The following MTFMT variants were observed in gnomAD, a reference collection of about 807,000 sequenced individuals.
MTFMT encodes mitochondrial methionyl-tRNA formyltransferase.
In MTFMT, 47 loss-of-function variants were observed where a neutral mutation model predicts 51.8. The observed-to-expected ratio is 0.91, with a 90% confidence interval of 0.72 to 1.16. The LOEUF (loss-of-function observed/expected upper bound fraction) is 1.16, where lower values mean the gene tolerates loss of function less well. Among genes scored for constraint, MTFMT ranks in the 50% most tolerant of loss-of-function variants. The pLI is 0.00. For synonymous variants in MTFMT, 196 were observed against 176.7 expected, an observed-to-expected ratio of 1.11 and a Z score of -0.87; for missense variants, 512 against 482.3, an observed-to-expected ratio of 1.06 and a Z score of -0.58.
At chr15:65,021,721 T>A in intron 3 of MTFMT, 105 bp from the exon 4 acceptor site, 2 of 821,482 alleles carry the variant, frequency 2.4e-6, no homozygotes, top group South Asian at 2.3e-5. Flanking sequence ...TCTGCATGCC[T>A]ATAGTCCTAG....
At chr15:65,023,394 C>T (rs1049723469) in intron 3 of MTFMT, among the ~76,000 whole-genome samples, 1 of 152,134 alleles carries the variant, frequency 6.6e-6, no homozygotes, top group East Asian at 1.9e-4. Context: ...CTCATTTATA[C>T]AATGTATTTT....
chr15:65,016,387 C>T, intron 6 of MTFMT, 49 bp downstream of exon 6: 1 of 1,057,440 alleles, frequency 9.5e-7, no homozygotes, highest in Non-Finnish European at 1.4e-6. Flanking sequence ...GCAAATTACA[C>T]ACATAGAAAA....
At chr15:65,019,519 C>A (rs1294132444) in intron 5 of MTFMT, among the ~76,000 whole-genome samples, 1 of 151,586 alleles carries the variant, frequency 6.6e-6, no homozygotes, top group African/African-American at 2.4e-5. Context: ...TCCAGCCAAA[C>A]CTTTAGAACT....
rs2086428316 is a variant in MTFMT, at chr15:65,026,817, C to T, written c.419+14G>A. 9 of 1,609,510 alleles carry T rather than the reference C, an allele frequency of 5.6e-6. No individual in the cohort carries two copies. Among genetic ancestry groups the T allele is most frequent in the Middle Eastern group, 1.7e-4 (1 of 6,048 alleles). Reference sequence around the variant, plus strand: ...AAGGTTTCTATACTGTATTTCCTTACAAATAAAACTTACTAGGGAAATTTA... The same window carrying T: ...AAGGTTTCTATACTGTATTTCCTTATAAATAAAACTTACTAGGGAAATTTA... On this transcript the variant is annotated intron_variant, in intron 2 of 8. Coordinates refer to ENST00000220058, the MANE Select transcript of MTFMT (RefSeq NM_139242.4).
intron 8 of MTFMT, among the ~76,000 whole-genome samples, chr15:65,004,086 G>A (rs1277704401): frequency 2.0e-5 from 3 of 151,162 alleles, no homozygotes; most frequent in East Asian, 3.9e-4. Context: ...GCACGATCTC[G>A]GCTCACCACA....
chr15:65,026,824 A>T lies in MTFMT; in HGVS notation c.419+7T>A. Reference sequence around the variant, plus strand: ...CTATACTGTATTTCCTTACAAATAAAACTTACTAGGGAAATTTAAGAATAA... The same window carrying T: ...CTATACTGTATTTCCTTACAAATAATACTTACTAGGGAAATTTAAGAATAA... On this transcript the variant is annotated splice_region_variant and intron_variant, in intron 2 of 8. Transcript: ENST00000220058. 1.2e-6 allele frequency: 2 copies of T among 1,611,824 alleles called. No homozygotes were observed. The highest frequency in any genetic ancestry group is 1.7e-6 in the Non-Finnish European group (2 of 1,178,644).
intron 2 of MTFMT, 61 bp from the exon 3 acceptor site, chr15:65,023,855 C>A: frequency 7.0e-7 from 1 of 1,427,024 alleles, no homozygotes; most frequent in South Asian, 1.5e-5. Context: ...TTACCACTAC[C>A]TAAGCTATTA....
At chr15:65,029,245 G>A in intron 1 of MTFMT, 160 bp downstream of exon 1, 7 of 984,262 alleles carry the variant, frequency 7.1e-6, no homozygotes, top group Non-Finnish European at 8.4e-6. Flanking sequence ...CGGCGGGAAT[G>A]GCGCACCTTC....
chr15:65,003,343 G>A, intron 8 of MTFMT, 87 bp from the exon 9 acceptor site: 1 of 1,031,560 alleles, frequency 9.7e-7, no homozygotes, highest in Non-Finnish European at 1.4e-6. Flanking sequence ...TTTTTATCAT[G>A]GAAACAAACA....
At chr15:65,027,121 G>A (rs1224763932) in intron 1 of MTFMT, 81 bp from the exon 2 acceptor site, 1 of 972,208 alleles carries the variant, frequency 1.0e-6, no homozygotes, top group African/African-American at 1.6e-5. Context: ...CGCTAAGTAT[G>A]TTTATGATTA....
At chr15:65,020,906 T>C (rs896696045) in intron 4 of MTFMT, among the ~76,000 whole-genome samples, 6 of 152,230 alleles carry the variant, frequency 3.9e-5, no homozygotes, top group Non-Finnish European at 5.9e-5. Flanking sequence ...TAAGATCATT[T>C]GTGAGGTAAG....
chr15:65,005,079 C>A, intron 7 of MTFMT, 143 bp from the exon 8 acceptor site: 2 of 605,386 alleles, frequency 3.3e-6, no homozygotes, highest in Non-Finnish European at 2.9e-6. Flanking sequence ...CTTTGTAAAC[C>A]AAAACTTACA....
rs141657757 is a variant in MTFMT at position 65,002,693 on chromosome 15, G to A, written c.*369C>T. 1,034 of 153,340 alleles carry A rather than the reference G, an allele frequency of 6.7e-3. 4 individuals are homozygous for A. Among genetic ancestry groups the A allele is most frequent in the Admixed American group, 0.02 (312 of 15,306 alleles). 9.5% of individuals were successfully genotyped at this position (153,340 alleles called of 1,614,324 possible). A position where few individuals can be genotyped will look rare whatever the true frequency, so the allele number is the denominator to read the frequency against. ...GTCCAGATAATTCCAGGCCAGGCACGGTGGCTCACGTCTGTAATCATAGCA... is the reference window on the plus strand; with the variant it reads ...GTCCAGATAATTCCAGGCCAGGCACAGTGGCTCACGTCTGTAATCATAGCA... On this transcript the variant is annotated 3_prime_UTR_variant, in exon 9 of 9. Transcript: ENST00000220058.
intron 1 of MTFMT, chr15:65,029,125 C>A (rs548402975): frequency 4.6e-4 from 138 of 302,726 alleles, no homozygotes; most frequent in African/African-American, 3.0e-3. Context: ...GCAGGCAGAG[C>A]GCCCAGCCCC....
In MTFMT at chr15:65,020,390, CAAATTAAAAAAAA is replaced by C. The variant is rs1269203354; in HGVS notation, c.646-131_646-119del. On this transcript the variant is annotated intron_variant, in intron 4 of 8. Transcript: ENST00000220058. ...ATAACTTTTTTTCTTTTTCTTTTTTCAAATTAAAAAAAAAATCTTTACTATTGGCTCTTCAAGG... is the reference window on the plus strand; with the variant it reads ...ATAACTTTTTTTCTTTTTCTTTTTTCAATCTTTACTATTGGCTCTTCAAGG... The C allele has an allele frequency of 9.4e-6, 8 of 852,964 alleles. No individual in the cohort carries two copies. In the East Asian group the frequency reaches 2.2e-4, roughly 23 times the overall value. The allele number at this position is 852,964 out of a possible 1,614,324, so 52.8% of individuals were successfully genotyped here.
intron 6 of MTFMT, among the ~76,000 whole-genome samples, chr15:65,014,276 CAT>C (rs2086296784): frequency 6.6e-6 from 1 of 151,434 alleles, no homozygotes; most frequent in African/African-American, 2.4e-5. Context: ...TATTCTATCA[CAT>C]GATCCTATTT....
At chr15:65,009,898 C>T (rs902340704) in intron 6 of MTFMT, among the ~76,000 whole-genome samples, 16 of 152,318 alleles carry the variant, frequency 1.1e-4, no homozygotes, top group Middle Eastern at 3.4e-3. Flanking sequence ...AAGCGATTCA[C>T]TCTTCTTGGC....
intron 8 of MTFMT, 35 bp from the exon 9 acceptor site, chr15:65,003,291 G>T: frequency 1.3e-6 from 2 of 1,544,292 alleles, no homozygotes; most frequent in Non-Finnish European, 1.8e-6. Flanking sequence ...AATAGGCAGG[G>T]GTGGCAAAAC....
intron 6 of MTFMT, among the ~76,000 whole-genome samples, chr15:65,014,359 T>C (rs1410904398): frequency 2.0e-5 from 3 of 148,940 alleles, no homozygotes; most frequent in African/African-American, 7.4e-5. Flanking sequence ...AGTTTCGCTC[T>C]TGTTGCCCAG....
Sources: allele counts gnomAD v4.1 joint callset (sites outside exome capture counted in the v4.1 genomes callset), GRCh38; gene constraint gnomAD v4.1.1; transcripts MANE v1.5; gene names NCBI Gene and HGNC (gene_info 2026-07-23, HGNC 2026-07-21).